FBLN5: variants seen among roughly 807,000 people sequenced by gnomAD.
The protein encoded by FBLN5 is fibulin-5.
Under a neutral mutation model 61.6 loss-of-function variants are expected in FBLN5, and 24 were observed. The ratio of observed to expected loss-of-function variants is 0.39; its 90% CI spans 0.28 to 0.55. FBLN5 has a LOEUF of 0.55. Among genes scored for constraint, FBLN5 ranks in the 20% least tolerant of loss-of-function variants. FBLN5 has a pLI of 0.65. For missense variants in FBLN5, 470 were observed against 594.1 expected, an observed-to-expected ratio of 0.79 and a Z score of 2.17; for synonymous variants, 213 against 219.8, an observed-to-expected ratio of 0.97 and a Z score of 0.27.
chr14:91,939,586 C>A (rs75137710), intron 3 of FBLN5, among the ~76,000 whole-genome samples: 1 of 152,184 alleles, frequency 6.6e-6, no homozygotes, highest in Non-Finnish European at 1.5e-5. Context: ...AGGTGATGCA[C>A]TCGCCTCGGC....
chr14:91,877,780 AT>A, intron 9 of FBLN5, 98 bp from the exon 10 acceptor site: 1 of 906,576 alleles, frequency 1.1e-6, no homozygotes, highest in Non-Finnish European at 1.8e-6. Flanking sequence ...AGGCCACCCC[AT>A]TTTTAGCATC....
chr14:91,870,700 T>C (rs1032529688), intron 10 of FBLN5, among the ~76,000 whole-genome samples: 1 of 152,232 alleles, frequency 6.6e-6, no homozygotes, highest in Non-Finnish European at 1.5e-5. Flanking sequence ...TGTATGATTG[T>C]CCATACTGTC....
chr14:91,894,357 C>T (rs112924179), intron 5 of FBLN5, among the ~76,000 whole-genome samples: 15,522 of 129,822 alleles, frequency 0.12, 876 homozygotes, highest in Middle Eastern at 0.16. Flanking sequence ...GAGTCAAGAT[C>T]GTGCCACTGC....
At chr14:91,941,996 C>G in intron 2 of FBLN5, 1 of 359,856 alleles carries the variant, frequency 2.8e-6, no homozygotes, top group Non-Finnish European at 5.5e-6. Context: ...CCTGAATATG[C>G]TTCAAAATTC....
chr14:91,936,170 C>A (rs1287822783), intron 4 of FBLN5, among the ~76,000 whole-genome samples: 3 of 152,094 alleles, frequency 2.0e-5, no homozygotes, highest in African/African-American at 7.2e-5. Context: ...CAAAATGGGA[C>A]AAACAAAAAT....
At chr14:91,902,281 GTTTT>G (rs1555376457) in intron 4 of FBLN5, among the ~76,000 whole-genome samples, 3 of 29,070 alleles carry the variant, frequency 1.0e-4, no homozygotes, top group African/African-American at 2.1e-4. Flanking sequence ...TTGTTTGTTT[GTTTT>G]TTTTTTTTTT....
intron 5 of FBLN5, among the ~76,000 whole-genome samples, chr14:91,892,429 G>A (rs1417919043): frequency 6.6e-6 from 1 of 152,208 alleles, no homozygotes; most frequent in African/African-American, 2.4e-5. Context: ...CTCAGTCCTT[G>A]TGCCTGGTTT....
chr14:91,880,288 G>A (rs1401605240), intron 9 of FBLN5, among the ~76,000 whole-genome samples: 3 of 152,146 alleles, frequency 2.0e-5, no homozygotes, highest in Non-Finnish European at 4.4e-5. Context: ...CGGAATCTTG[G>A]GCCCCACCCC....
At chr14:91,910,406 C>T (rs923978902) in intron 4 of FBLN5, among the ~76,000 whole-genome samples, 11 of 152,102 alleles carry the variant, frequency 7.2e-5, no homozygotes, top group African/African-American at 1.7e-4. Context: ...TTAATAGATA[C>T]GGAGTTTTTG....
At chr14:91,871,915 C>T (rs1240030613) in intron 10 of FBLN5, among the ~76,000 whole-genome samples, 1 of 152,010 alleles carries the variant, frequency 6.6e-6, no homozygotes, top group Non-Finnish European at 1.5e-5. Context: ...AGTGTGGTCC[C>T]TGGACCAGCA....
chr14:91,898,796 C>CTTTT (rs35840279), intron 4 of FBLN5, among the ~76,000 whole-genome samples: 1,596 of 84,160 alleles, frequency 0.019, no homozygotes, highest in Non-Finnish European at 0.024. Context: ...TTCATTCATT[C>CTTTT]TTTTTTTTTT....
chr14:91,919,377 A>AAAG (rs1491307742), intron 4 of FBLN5, among the ~76,000 whole-genome samples: 9,873 of 84,162 alleles, frequency 0.12, 432 homozygotes, highest in Non-Finnish European at 0.14. Flanking sequence ...AAAAGAAAAG[A>AAAG]AAAGAAAGAA....
chr14:91,944,096 G>A (rs1025041716), intron 1 of FBLN5, among the ~76,000 whole-genome samples: 10 of 152,274 alleles, frequency 6.6e-5, no homozygotes, highest in South Asian at 2.1e-4. Context: ...TTGGGAGGCC[G>A]AGGCAGGAAG....
chr14:91,893,946 T>A (rs552930659), intron 5 of FBLN5, among the ~76,000 whole-genome samples: 109 of 152,376 alleles, frequency 7.2e-4, no homozygotes, highest in Middle Eastern at 3.4e-3. Context: ...TTTCTGTGAC[T>A]AAGCGAAAGT....
intron 2 of FBLN5, 29 bp from the exon 3 acceptor site, chr14:91,940,645 C>T: frequency 1.9e-6 from 3 of 1,607,608 alleles, no homozygotes; most frequent in Non-Finnish European, 2.6e-6. Context: ...GAGAAACAGG[C>T]AAGGTCATTT....
chr14:91,934,963 T>A (rs1023966599), intron 4 of FBLN5, among the ~76,000 whole-genome samples: 1 of 152,076 alleles, frequency 6.6e-6, no homozygotes, highest in Non-Finnish European at 1.5e-5. Flanking sequence ...GCGAGGGCCA[T>A]TTGAAAGCCC....
chr14:91,921,591 A>G (rs999214791), intron 4 of FBLN5, among the ~76,000 whole-genome samples: 1 of 152,180 alleles, frequency 6.6e-6, no homozygotes, highest in Non-Finnish European at 1.5e-5. Flanking sequence ...CTCGGCAGCA[A>G]TCTGTGTTTG....
chr14:91,922,343 TAAA>T (rs2055752257), intron 4 of FBLN5, among the ~76,000 whole-genome samples: 1 of 150,236 alleles, frequency 6.7e-6, no homozygotes, highest in African/African-American at 2.4e-5. Flanking sequence ...AATAAATAAA[TAAA>T]TAAATAAATA....
At chr14:91,872,852 G>C (rs917222013) in intron 10 of FBLN5, among the ~76,000 whole-genome samples, 2 of 152,148 alleles carry the variant, frequency 1.3e-5, no homozygotes, top group African/African-American at 4.8e-5. Flanking sequence ...TATCTCACCA[G>C]CTTTCACTGC....
Sources: allele counts gnomAD v4.1 joint callset (sites outside exome capture counted in the v4.1 genomes callset), GRCh38; gene constraint gnomAD v4.1.1; transcripts MANE v1.5; gene names NCBI Gene and HGNC (gene_info 2026-07-23, HGNC 2026-07-21).